IGSF10: variants seen among roughly 807,000 people sequenced by gnomAD.
The protein encoded by IGSF10 is calvaria mechanical force protein 608.
In IGSF10, 126 loss-of-function variants were observed where a neutral mutation model predicts 128.2. That is an observed-to-expected ratio of 0.98 (90% CI 0.85 to 1.14). The LOEUF is 1.14. Among genes scored for constraint, IGSF10 ranks in the 50% most tolerant of loss-of-function variants. IGSF10 has a pLI of 0.00. For synonymous variants in IGSF10, 1,185 were observed against 1,146.2 expected, an observed-to-expected ratio of 1.03 and a Z score of -0.68; for missense variants, 3,295 against 3,149.8, an observed-to-expected ratio of 1.05 and a Z score of -1.10.
At position 151,437,229 on chromosome 3, in the gene IGSF10, G is replaced by A. The variant is rs756176928; in HGVS notation, c.7332C>T (p.Gly2444=). 10 of 1,614,074 alleles carry A rather than the reference G, an allele frequency of 6.2e-6. No homozygotes were observed. The East Asian group carries it at 1.1e-4, about 18-fold the overall frequency. ...GCAGTGATAGAGATTCTCCACTGAT[G>A]CCTTTTACTGTCCCTGGTGCATAGG... The part of the protein sequence containing the change: ...ILTYAPGTVK[G]ISGESLSLHC... The change falls in exon 8 of 8, where the codon GGC becomes GGT. Residue 2444 remains glycine, a synonymous_variant. Transcript: ENST00000282466.
the IGSF10 span, among the ~76,000 whole-genome samples, chr3:151,495,985 G>C: frequency 1.3e-5 from 2 of 152,084 alleles, no homozygotes; most frequent in Non-Finnish European, 2.9e-5. Flanking sequence ...ACTGGTCAAA[G>C]TCAACCTATG....
At position 151,443,224 on chromosome 3, in the gene IGSF10, G is replaced by A. The variant is rs761429521; in HGVS notation, c.5723C>T (p.Ala1908Val). ...SNGTLYIRNL[A>V]SSDRGTYECI... Reference sequence around the variant, plus strand: ...TTCATAAGTGCCCCTGTCTGAAGAGGCTAGGTTTCTTATATACAAAGTCCC... The same window carrying A: ...TTCATAAGTGCCCCTGTCTGAAGAGACTAGGTTTCTTATATACAAAGTCCC... Residue 1908 changes from alanine to valine, a missense_variant, in exon 7 of 8, where the codon GCC becomes GTC. Physicochemically the swap from Ala to Val is moderately conservative, Grantham distance 64. Coordinates refer to ENST00000282466, the MANE Select transcript of IGSF10 (RefSeq NM_178822.5). 5.0e-6 allele frequency: 8 copies of A among 1,613,372 alleles called. No homozygotes were observed. Among genetic ancestry groups the A allele is most frequent in the Non-Finnish European group, 5.9e-6 (7 of 1,179,650 alleles).
Position 151,458,643 on chromosome 3 carries a change from T to A in IGSF10, c.67A>T (p.Thr23Ser). Residue 23 changes from threonine to serine, a missense_variant, in exon 3 of 8, where the codon ACC becomes TCC. Physicochemically the swap from Thr to Ser is moderately conservative, Grantham distance 58. Transcript: ENST00000282466. The stretch of plus-strand genomic sequence containing the variant: ...CGAGGACAGGCCTTGCCCCCAGGGG[T>A]GGCGACCAGGCAGATCACAGCAAAG... ...VSFAVICLVA[T>S]PGGKACPRRC... The A allele has an allele frequency of 6.2e-7, 1 of 1,614,130 alleles. No homozygotes were observed. The highest frequency in any genetic ancestry group is 2.2e-5 in the East Asian group (1 of 44,884).
At chr3:151,485,684 T>C in the IGSF10 span, among the ~76,000 whole-genome samples, 1 of 152,154 alleles carries the variant, frequency 6.6e-6, no homozygotes, top group Admixed American at 6.5e-5. Context: ...ACCCAGAATT[T>C]CGTATCCAAC....
chr3:151,449,299 G>A (rs918048041), intron 5 of IGSF10, 34 bp from the exon 6 acceptor site: 1 of 1,513,706 alleles, frequency 6.6e-7, no homozygotes, highest in Non-Finnish European at 8.8e-7. Context: ...TATCAGTTGT[G>A]ACCTCTTTAT....
chr3:151,482,631 A>T, the IGSF10 span, among the ~76,000 whole-genome samples: 1 of 152,240 alleles, frequency 6.6e-6, no homozygotes, highest in Admixed American at 6.5e-5. Flanking sequence ...CTTCTTTAAT[A>T]AAATAATTGT....
chr3:151,482,551 A>T, the IGSF10 span, among the ~76,000 whole-genome samples: 1 of 152,230 alleles, frequency 6.6e-6, no homozygotes, highest in African/African-American at 2.4e-5. Context: ...TCTATAGGGC[A>T]TTATTAAGCA....
chr3:151,495,776 A>G, the IGSF10 span, among the ~76,000 whole-genome samples: 3 of 152,122 alleles, frequency 2.0e-5, no homozygotes, highest in African/African-American at 7.2e-5. Flanking sequence ...TGGATACTAA[A>G]CCACCAAATA....
the IGSF10 span, among the ~76,000 whole-genome samples, chr3:151,585,447 ATTTTGCTATTGTTGCATGCATTTG>A: frequency 6.6e-6 from 1 of 152,000 alleles, no homozygotes; most frequent in Non-Finnish European, 1.5e-5. Flanking sequence ...TCTGTCTCAT[ATTTTGCTATTGTTGCATGCATTTG>A]TACTTATATA....
rs1274155923 is a variant in IGSF10 at position 151,447,850 on chromosome 3, G to T, written c.2131C>A (p.His711Asn). The T allele has an allele frequency of 6.2e-6, 10 of 1,614,096 alleles. No individual in the cohort carries two copies. The highest frequency in any genetic ancestry group is 8.5e-6 in the Non-Finnish European group (10 of 1,180,012). ...SALMEAEVGK[H>N]TSSTSKRHNY... Reference sequence around the variant, plus strand: ...TGCCTCTTACTTGTGCTTGAGGTGTGTTTTCCAACCTCAGCCTCCATCAGA... The same window carrying T: ...TGCCTCTTACTTGTGCTTGAGGTGTTTTTTCCAACCTCAGCCTCCATCAGA... Residue 711 changes from histidine (H) to asparagine (N), a missense_variant, in exon 6 of 8, where the codon CAC (histidine) becomes AAC (asparagine). Coordinates refer to ENST00000282466, the MANE Select transcript of IGSF10 (RefSeq NM_178822.5).
chr3:151,553,979 A>AAG, the IGSF10 span, among the ~76,000 whole-genome samples: 1 of 151,072 alleles, frequency 6.6e-6, no homozygotes, highest in Non-Finnish European at 1.5e-5. Context: ...ACAACAAAAA[A>AAG]AAAACAAAAG....
chr3:151,547,240 T>C, the IGSF10 span, among the ~76,000 whole-genome samples: 6 of 152,156 alleles, frequency 3.9e-5, no homozygotes, highest in Admixed American at 2.0e-4. Context: ...CCATCCTTTT[T>C]AATAGTTTTC....
At chr3:151,495,655 T>C in the IGSF10 span, among the ~76,000 whole-genome samples, 1 of 152,186 alleles carries the variant, frequency 6.6e-6, no homozygotes, top group Non-Finnish European at 1.5e-5. Context: ...TTTTTTATTC[T>C]GTCTTTCTAC....
the IGSF10 span, among the ~76,000 whole-genome samples, chr3:151,502,708 T>C: frequency 1.3e-5 from 2 of 152,074 alleles, no homozygotes; most frequent in East Asian, 1.9e-4. Context: ...CTTCCAGTTT[T>C]GGCAGGCTTG....
At chr3:151,580,951 GAT>G in the IGSF10 span, among the ~76,000 whole-genome samples, 5 of 151,196 alleles carry the variant, frequency 3.3e-5, no homozygotes, top group African/African-American at 1.2e-4. Context: ...TATAAAATCA[GAT>G]TTTTTTTTTT....
At chr3:151,561,278 G>C in the IGSF10 span, among the ~76,000 whole-genome samples, 1 of 152,126 alleles carries the variant, frequency 6.6e-6, no homozygotes, top group African/African-American at 2.4e-5. Context: ...TCTTGCTAAA[G>C]TAAAGGGAGA....
the IGSF10 span, among the ~76,000 whole-genome samples, chr3:151,479,503 C>T: frequency 6.6e-6 from 1 of 152,022 alleles, no homozygotes; most frequent in Non-Finnish European, 1.5e-5. Context: ...ACAGCCCTGA[C>T]TAATATTTAA....
the IGSF10 span, among the ~76,000 whole-genome samples, chr3:151,493,394 T>C: frequency 1.3e-5 from 2 of 152,232 alleles, no homozygotes; most frequent in Non-Finnish European, 2.9e-5. Context: ...TGGTCAACGA[T>C]GGACCCCCAT....
intron 7 of IGSF10, among the ~76,000 whole-genome samples, chr3:151,439,975 A>G (rs557139140): frequency 5.3e-5 from 8 of 152,364 alleles, no homozygotes; most frequent in Non-Finnish European, 8.8e-5. Context: ...TTTTCATAGC[A>G]TAAGTGCTAA....
Sources: gnomAD v4.1 joint callset for allele counts (sites outside exome capture counted in the v4.1 genomes callset) on GRCh38, gnomAD v4.1.1 for gene constraint, MANE v1.5 for transcripts, NCBI Gene and HGNC (gene_info 2026-07-23, HGNC 2026-07-21) for gene names.